MLLT10: variants seen among roughly 807,000 people sequenced by gnomAD.
The protein encoded by MLLT10 is MLLT10 histone lysine methyltransferase DOT1L cofactor.
Under a neutral mutation model 129.1 loss-of-function variants are expected in MLLT10, and 30 were observed. The ratio of observed to expected loss-of-function variants is 0.23; its 90% CI spans 0.17 to 0.32. The LOEUF is 0.32. MLLT10 is among the 10% of genes least tolerant of loss of function. MLLT10 has a pLI of 1.00. For missense variants in MLLT10, 1,119 were observed against 1,268.3 expected, an observed-to-expected ratio of 0.88 and a Z score of 1.79; for synonymous variants, 490 against 446.4, an observed-to-expected ratio of 1.10 and a Z score of -1.23.
At chr10:21,686,605 T>C (rs2053315678) in intron 13 of MLLT10, among the ~76,000 whole-genome samples, 4 of 152,154 alleles carry the variant, frequency 2.6e-5, no homozygotes, top group African/African-American at 9.7e-5. Flanking sequence ...AAGAACCGCC[T>C]TCATTAAGTC....
chr10:21,585,456 A>G (rs2041901084), intron 3 of MLLT10, among the ~76,000 whole-genome samples: 1 of 152,198 alleles, frequency 6.6e-6, no homozygotes, highest in Admixed American at 6.5e-5. Flanking sequence ...GTATTTGAAT[A>G]ATAATAACTG....
intron 13 of MLLT10, among the ~76,000 whole-genome samples, chr10:21,704,357 CTATATA>C (rs3032384): frequency 0.29 from 32,066 of 111,434 alleles, 4,662 homozygotes; most frequent in East Asian, 0.51. Flanking sequence ...CTCTCTCTCT[CTATATA>C]TATATATATA....
intron 3 of MLLT10, among the ~76,000 whole-genome samples, chr10:21,581,085 G>A (rs1161520556): frequency 4.2e-5 from 6 of 143,230 alleles, no homozygotes; most frequent in African/African-American, 1.6e-4. Flanking sequence ...TTGCTCTGTA[G>A]CCCAGGCTAG....
At chr10:21,610,291 G>C (rs982468691) in intron 5 of MLLT10, among the ~76,000 whole-genome samples, 4 of 152,176 alleles carry the variant, frequency 2.6e-5, no homozygotes, top group African/African-American at 9.7e-5. Context: ...AGTTGAATCA[G>C]AGACACTGGC....
intron 8 of MLLT10, among the ~76,000 whole-genome samples, chr10:21,645,103 T>C (rs1186263011): frequency 6.6e-6 from 1 of 152,166 alleles, no homozygotes; most frequent in East Asian, 1.9e-4. Context: ...TCACCTCTCT[T>C]CAGATTTGGG....
intron 9 of MLLT10, among the ~76,000 whole-genome samples, chr10:21,656,932 G>T (rs1589462658): frequency 6.6e-6 from 1 of 152,300 alleles, no homozygotes; most frequent in Middle Eastern, 3.4e-3. Context: ...TTCTGTGTCT[G>T]CAAGAACTTG....
In MLLT10 at chr10:21,595,384, G is replaced by C; in HGVS notation, c.349G>C (p.Val117Leu). 2 of 1,613,804 alleles carry C rather than the reference G, an allele frequency of 1.2e-6. No homozygotes were observed. Among genetic ancestry groups the C allele is most frequent in the Non-Finnish European group, 8.5e-7 (1 of 1,179,842 alleles). The change falls in exon 5 of 23, where the codon GTT becomes CTT. Residue 117 changes from valine to leucine, a missense_variant. By Grantham distance (32) the Val-to-Leu change is conservative. Around this residue, in one of 5 missense-constraint regions of MLLT10, gnomAD observed 44 missense variants for 114.3 expected, o/e 0.38. Coordinates refer to ENST00000307729, the MANE Select transcript of MLLT10 (RefSeq NM_001195626.3). ...TATTCCAGAGGTACAATTTGCCAAT[G>C]TTTCCACAATGGAACCAATTGTTTT... ...LYIPEVQFAN[V>L]STMEPIVLQS... is the part of the protein sequence containing the mutation.
In MLLT10 at chr10:21,740,132, C is replaced by A; in HGVS notation, c.3058C>A (p.Pro1020Thr). The change falls in exon 22 of 23, where the codon CCC becomes ACC. Residue 1020 changes from proline (P) to threonine (T), a missense_variant. Coordinates refer to ENST00000307729, the MANE Select transcript of MLLT10 (RefSeq NM_001195626.3). ...QLQIPGPTQIPINNLLAGTQA... is the reference protein window; with the variant it reads ...QLQIPGPTQITINNLLAGTQA... ...GCAGATCCCTGGACCAACACAAATA[C>A]CCATAAACAACCTTCTTGCAGGTAC... The A allele has an allele frequency of 1.2e-6, 2 of 1,614,156 alleles. No individual in the cohort carries two copies. Among genetic ancestry groups the A allele is most frequent in the Non-Finnish European group, 1.7e-6 (2 of 1,180,024 alleles).
intron 13 of MLLT10, among the ~76,000 whole-genome samples, chr10:21,705,984 C>T (rs2055453779): frequency 6.6e-6 from 1 of 152,210 alleles, no homozygotes; most frequent in South Asian, 2.1e-4. Context: ...CCTGTTCTTT[C>T]CCTGCATTAG....
intron 9 of MLLT10, among the ~76,000 whole-genome samples, chr10:21,662,544 A>T (rs1274185441): frequency 6.6e-6 from 1 of 150,626 alleles, no homozygotes; most frequent in Non-Finnish European, 1.5e-5. Flanking sequence ...TTTGTTTTTG[A>T]TCTCTCTGGC....
intron 8 of MLLT10, among the ~76,000 whole-genome samples, chr10:21,627,762 T>C (rs917857851): frequency 6.6e-6 from 1 of 152,226 alleles, no homozygotes; most frequent in African/African-American, 2.4e-5. Context: ...TGGAAATTTT[T>C]AAAACCAGCA....
intron 8 of MLLT10, among the ~76,000 whole-genome samples, chr10:21,632,222 C>T (rs1413378714): frequency 1.3e-5 from 2 of 152,034 alleles, no homozygotes; most frequent in Non-Finnish European, 2.9e-5. Flanking sequence ...TTGGCATGTC[C>T]ATGAAATAGA....
chr10:21,560,460 G>T (rs1463655821), intron 3 of MLLT10, among the ~76,000 whole-genome samples: 1 of 152,070 alleles, frequency 6.6e-6, no homozygotes, highest in African/African-American at 2.4e-5. Flanking sequence ...TTTTGAGACA[G>T]GGTCTAGTTC....
intron 11 of MLLT10, among the ~76,000 whole-genome samples, chr10:21,680,880 G>A (rs1241339684): frequency 2.0e-5 from 3 of 151,796 alleles, no homozygotes. Flanking sequence ...GCTGAGGTGG[G>A]AGGATCACTT....
intron 8 of MLLT10, among the ~76,000 whole-genome samples, chr10:21,650,753 T>G (rs990083600): frequency 6.6e-6 from 1 of 152,040 alleles, no homozygotes; most frequent in African/African-American, 2.4e-5. Flanking sequence ...TTCCAATATG[T>G]AATTAATTTT....
At chr10:21,733,218 G>A in intron 18 of MLLT10, 131 bp downstream of exon 18, 1 of 887,380 alleles carries the variant, frequency 1.1e-6, no homozygotes, top group South Asian at 2.3e-5. Context: ...GTTTTTGAAG[G>A]GCATAAAGAA....
chr10:21,585,158 A>C (rs1327533162), intron 3 of MLLT10, among the ~76,000 whole-genome samples: 2 of 151,940 alleles, frequency 1.3e-5, no homozygotes, highest in Admixed American at 1.3e-4. Context: ...CCCTGGGCTC[A>C]AGCGATCTAC....
At chr10:21,646,314 A>C (rs953113207) in intron 8 of MLLT10, among the ~76,000 whole-genome samples, 4 of 152,238 alleles carry the variant, frequency 2.6e-5, no homozygotes, top group Non-Finnish European at 5.9e-5. Flanking sequence ...ATTTAGGTTC[A>C]TTACAGAGAG....
At chr10:21,646,870 T>C (rs1326569187) in intron 8 of MLLT10, among the ~76,000 whole-genome samples, 1 of 151,702 alleles carries the variant, frequency 6.6e-6, no homozygotes, top group Non-Finnish European at 1.5e-5. Context: ...TTTTTTTTTT[T>C]TCTGAGACGG....
Sources: gnomAD v4.1 joint callset for allele counts (sites outside exome capture counted in the v4.1 genomes callset) on GRCh38, gnomAD v4.1.1 for gene constraint, gnomAD v4.1.1 regional missense constraint, MANE v1.5 for transcripts, NCBI Gene and HGNC (gene_info 2026-07-23, HGNC 2026-07-21) for gene names.